Variants in PTPN11 observed in about 807,000 individuals in gnomAD.
The protein encoded by PTPN11 is tyrosine-protein phosphatase non-receptor type 11.
Under a neutral mutation model 78.8 loss-of-function variants are expected in PTPN11, and 6 were observed. The ratio of observed to expected loss-of-function variants is 0.08; its 90% CI spans 0.04 to 0.15. PTPN11 has a LOEUF of 0.15. Ranked by LOEUF, PTPN11 falls within the 10% of genes least tolerant of loss-of-function variation. The pLI, the probability that PTPN11 is intolerant of heterozygous loss-of-function variation, is 1.00. For missense variants in PTPN11, 386 were observed against 744.8 expected (o/e 0.52, Z 5.61); for synonymous variants, 221 against 263.5 (o/e 0.84, Z 1.56).
chr12:112,421,751 C>G (rs1184203194), intron 1 of PTPN11, among the ~76,000 whole-genome samples: 1 of 152,120 alleles, frequency 6.6e-6, no homozygotes, highest in African/African-American at 2.4e-5. Context: ...CCTCAGCTTT[C>G]CGGTTACTGG....
intron 6 of PTPN11, among the ~76,000 whole-genome samples, chr12:112,462,670 C>CAGT (rs1566173756): frequency 1.3e-5 from 2 of 152,122 alleles, no homozygotes; most frequent in African/African-American, 4.8e-5. Context: ...TTTTCTTAAA[C>CAGT]AGTAGCATAA....
At chr12:112,497,429 T>C (rs2038827272) in intron 13 of PTPN11, among the ~76,000 whole-genome samples, 1 of 152,208 alleles carries the variant, frequency 6.6e-6, no homozygotes, top group East Asian at 1.9e-4. Context: ...ATGAAGAAGA[T>C]AGCCATCGCT....
At chr12:112,476,612 T>C (rs545927992) in intron 7 of PTPN11, among the ~76,000 whole-genome samples, 1 of 152,112 alleles carries the variant, frequency 6.6e-6, no homozygotes, top group South Asian at 2.1e-4. Flanking sequence ...CTACTAAAAA[T>C]ACAAAAATTA....
intron 7 of PTPN11, among the ~76,000 whole-genome samples, chr12:112,475,103 CACTT>C (rs2038479568): frequency 6.6e-6 from 1 of 152,194 alleles, no homozygotes; most frequent in Non-Finnish European, 1.5e-5. Flanking sequence ...ATTTTTATCT[CACTT>C]AATCCATATC....
intron 1 of PTPN11, among the ~76,000 whole-genome samples, chr12:112,445,100 C>G (rs1466272177): frequency 6.6e-6 from 1 of 151,992 alleles, no homozygotes; most frequent in African/African-American, 2.4e-5. Context: ...AAAGCACATA[C>G]ACATACACAT....
Position 112,446,390 on chromosome 12 carries a change from T to G in PTPN11, c.129T>G (p.Leu43=). 1 of 1,614,126 alleles carries G rather than the reference T, an allele frequency of 6.2e-7. No homozygotes were observed. The highest frequency in any genetic ancestry group is 8.5e-7 in the Non-Finnish European group (1 of 1,179,998). ...PSKSNPGDFT[L]SVRRNGAVTH... is the part of the protein sequence containing the mutation. ...AAAGTAACCCTGGAGACTTCACACT[T>G]TCCGTTAGGTAAGTTGGAATGAAAA... The change falls in exon 2 of 16, where the codon CTT becomes CTG. Residue 43 remains leucine (L), a synonymous_variant. Transcript: ENST00000351677.
intron 11 of PTPN11, among the ~76,000 whole-genome samples, chr12:112,487,121 CT>C (rs2038689924): frequency 7.2e-6 from 1 of 139,854 alleles, no homozygotes; most frequent in African/African-American, 3.1e-5. Flanking sequence ...TCTGTTCTCT[CT>C]CTCTCTCTCT....
rs1054862991 is a variant in PTPN11 at position 112,419,210 on chromosome 12, G to C, written c.14+85G>C. 140 of 1,313,878 alleles carry C rather than the reference G, an allele frequency of 1.1e-4. No individual in the cohort carries two copies. The South Asian group carries it at 2.4e-3, about 23-fold the overall frequency. 81.4% of individuals were successfully genotyped at this position (1,313,878 alleles called of 1,614,324 possible). A position where few individuals can be genotyped will look rare whatever the true frequency, so the allele number is the denominator to read the frequency against. On this transcript the variant is annotated intron_variant, in intron 1 of 15. Transcript: ENST00000351677. The stretch of plus-strand genomic sequence containing the variant: ...GCCCCGTCCGGAAGGGGGCGCCCCG[G>C]CCGGGCTTCGGGCTCCCGCCCCGGG...
Position 112,499,320 on chromosome 12 carries a change from T to C in PTPN11, c.1600-2824T>C, listed in dbSNP as rs530783297. ...GATTTTTAAACCTCAGGATAAGTTT[T>C]ATTTTTTAAAAAATTTATTTTTTAT... On this transcript the variant is annotated intron_variant, in intron 13 of 15. Transcript: ENST00000351677. 2.0e-5 allele frequency among the ~76,000 whole-genome samples: 3 copies of C among 152,180 alleles called. No homozygotes were observed. In the South Asian group the frequency reaches 6.2e-4, roughly 32 times the overall value.
chr12:112,445,442 A>G (rs140875911), intron 1 of PTPN11, among the ~76,000 whole-genome samples: 16 of 151,828 alleles, frequency 1.1e-4, no homozygotes, highest in African/African-American at 3.4e-4. Flanking sequence ...AGAAGCATAC[A>G]TATCTATTTC....
At position 112,489,044 on chromosome 12, in the gene PTPN11, G is replaced by A. The variant is rs781083623; in HGVS notation, c.1468G>A (p.Val490Ile). The A allele has an allele frequency of 9.9e-6, 16 of 1,613,832 alleles. No individual in the cohort carries two copies. Among genetic ancestry groups the A allele is most frequent in the South Asian group, 4.4e-5 (4 of 91,068 alleles). The change falls in exon 13 of 16, where the codon GTT becomes ATT. Residue 490 changes from valine to isoleucine, a missense_variant. By Grantham distance (29) the Val-to-Ile change is conservative. This residue lies in a region of PTPN11 where 63 missense variants were observed against 182.2 expected (regional missense o/e 0.35). Transcript: ENST00000351677. ...REKGVDCDID[V>I]PKTIQMVRSQ... ...CGTAGGTGTTGACTGCGATATTGAC[G>A]TTCCCAAAACCATCCAGATGGTGCG...
intron 10 of PTPN11, among the ~76,000 whole-genome samples, chr12:112,484,702 C>A (rs1241949464): frequency 1.3e-5 from 2 of 151,878 alleles, no homozygotes; most frequent in African/African-American, 4.8e-5. Flanking sequence ...GTGAGAGGAA[C>A]TGGAACAATG....
intron 2 of PTPN11, 64 bp from the exon 3 acceptor site, chr12:112,450,254 T>A (rs1172636226): frequency 7.0e-7 from 1 of 1,432,938 alleles, no homozygotes; most frequent in African/African-American, 1.4e-5. Context: ...GAAGATGAGA[T>A]CTGATTTTAC....
At chr12:112,428,707 T>A (rs1373557849) in intron 1 of PTPN11, 1 of 152,334 alleles carries the variant, frequency 6.6e-6, no homozygotes, top group Non-Finnish European at 1.5e-5. Context: ...AAGTAGATGG[T>A]CATGGAATAG....
intron 1 of PTPN11, among the ~76,000 whole-genome samples, chr12:112,440,563 CTTTTTTTTT>C (rs772805515): frequency 3.3e-5 from 3 of 90,710 alleles, no homozygotes; most frequent in South Asian, 5.7e-4. Context: ...TGTGCCTGGC[CTTTTTTTTT>C]TTTTTTTTTT....
At chr12:112,486,181 G>A (rs1224578818) in intron 10 of PTPN11, among the ~76,000 whole-genome samples, 1 of 152,104 alleles carries the variant, frequency 6.6e-6, no homozygotes, top group African/African-American at 2.4e-5. Flanking sequence ...AGGGATGCAG[G>A]GGAATAGGGA....
At chr12:112,438,560 C>T (rs1246315824) in intron 1 of PTPN11, among the ~76,000 whole-genome samples, 1 of 152,000 alleles carries the variant, frequency 6.6e-6, no homozygotes, top group Admixed American at 6.6e-5. Context: ...CGGCTCACTG[C>T]AACCTCTGCC....
At position 112,450,391 on chromosome 12, in the gene PTPN11, T is replaced by C. The variant is rs397507512; in HGVS notation, c.211T>C (p.Phe71Leu). Residue 71 changes from phenylalanine to leucine, a missense_variant, in exon 3 of 16, where the codon TTT becomes CTT. By Grantham distance (22) the Phe-to-Leu change is conservative. This residue lies in a region of PTPN11 where 279 missense variants were observed against 503.3 expected (regional missense o/e 0.55). Transcript: ENST00000351677. ...DYYDLYGGEK[F>L]ATLAELVQYY... ...CTATGACCTGTATGGAGGGGAGAAA[T>C]TTGCCACTTTGGCTGAGTTGGTCCA... The C allele has an allele frequency of 6.2e-7, 1 of 1,613,592 alleles. No individual in the cohort carries two copies. The highest frequency in any genetic ancestry group is 8.5e-7 in the Non-Finnish European group (1 of 1,179,576).
chr12:112,460,561 A>T (rs1212060223), intron 6 of PTPN11, among the ~76,000 whole-genome samples: 5 of 152,046 alleles, frequency 3.3e-5, no homozygotes, highest in African/African-American at 1.2e-4. Flanking sequence ...AAAAATCTTA[A>T]GTCTGGGCGT....
Sources: gnomAD v4.1 joint callset for allele counts (sites outside exome capture counted in the v4.1 genomes callset) on GRCh38, gnomAD v4.1.1 for gene constraint, gnomAD v4.1.1 regional missense constraint, MANE v1.5 for transcripts, NCBI Gene and HGNC (gene_info 2026-07-23, HGNC 2026-07-21) for gene names.